Variants in TMEFF2 observed in about 807,000 individuals in gnomAD.
TMEFF2 encodes tomoregulin-2.
TMEFF2 carries 28 observed loss-of-function variants against 53.8 expected under a neutral mutation model. The ratio of observed to expected loss-of-function variants is 0.52; its 90% CI spans 0.39 to 0.71. The LOEUF (loss-of-function observed/expected upper bound fraction) is 0.71, where lower values mean the gene tolerates loss of function less well. Ranked by LOEUF, TMEFF2 falls within the 30% of genes least tolerant of loss-of-function variation. The pLI is 0.00. For missense variants in TMEFF2, 353 were observed against 455.2 expected, an observed-to-expected ratio of 0.78 and a Z score of 2.04; for synonymous variants, 162 against 166.3, an observed-to-expected ratio of 0.97 and a Z score of 0.20.
intron 5 of TMEFF2, among the ~76,000 whole-genome samples, chr2:192,034,426 A>G (rs1376462415): frequency 6.6e-6 from 1 of 152,158 alleles, no homozygotes; most frequent in African/African-American, 2.4e-5. Flanking sequence ...CCATGGGGAA[A>G]AAAAATCACG....
At chr2:191,979,933 G>A (rs1685817296) in intron 7 of TMEFF2, among the ~76,000 whole-genome samples, 1 of 151,828 alleles carries the variant, frequency 6.6e-6, no homozygotes, top group Admixed American at 6.6e-5. Context: ...ATATTAGTAT[G>A]GTTAGAATTT....
intron 4 of TMEFF2, among the ~76,000 whole-genome samples, chr2:192,132,542 C>G (rs1689868638): frequency 6.6e-6 from 1 of 152,124 alleles, no homozygotes; most frequent in African/African-American, 2.4e-5. Flanking sequence ...ATTAACCTCA[C>G]CTTCAAGGTG....
At chr2:192,064,530 C>T (rs188469021) in intron 4 of TMEFF2, among the ~76,000 whole-genome samples, 1 of 151,940 alleles carries the variant, frequency 6.6e-6, no homozygotes, top group East Asian at 1.9e-4. Flanking sequence ...CAAGACTTAT[C>T]TATAGTACCA....
chr2:192,075,342 C>CACA (rs1688409042), intron 4 of TMEFF2, among the ~76,000 whole-genome samples: 2 of 56,418 alleles, frequency 3.5e-5, no homozygotes, highest in Admixed American at 2.3e-4. Context: ...TACATACATA[C>CACA]TATGTATATC....
At chr2:192,130,402 C>T (rs1689788757) in intron 4 of TMEFF2, among the ~76,000 whole-genome samples, 1 of 152,030 alleles carries the variant, frequency 6.6e-6, no homozygotes, top group Admixed American at 6.6e-5. Context: ...GCCTCTGAGC[C>T]CAAGTCAAGC....
chr2:191,998,468 A>C (rs1322143041), intron 6 of TMEFF2, 147 bp from the exon 7 acceptor site: 5 of 480,494 alleles, frequency 1.0e-5, no homozygotes, highest in Non-Finnish European at 1.8e-5. Flanking sequence ...ATACTAAGAC[A>C]GATTTACAAT....
rs902302805 is a variant in TMEFF2 at position 191,950,086 on chromosome 2, TATAA to T, written c.*221_*224del. ...GGAAAGAAAAAACTATATTGTGTGATATAAATAGTTTATTTACATTACAGAAAAA... is the reference window on the plus strand; with the variant it reads ...GGAAAGAAAAAACTATATTGTGTGATATAGTTTATTTACATTACAGAAAAA... On this transcript the variant is annotated 3_prime_UTR_variant, in exon 10 of 10. Transcript: ENST00000272771. The T allele has an allele frequency of 2.6e-4, 332 of 1,288,032 alleles. 1 individual carries two copies. The highest frequency in any genetic ancestry group is 9.8e-4 in the Admixed American group (27 of 27,574). The allele number at this position is 1,288,032 out of a possible 1,614,324, so 79.8% of individuals were successfully genotyped here. A position where few individuals can be genotyped will look rare whatever the true frequency, so the allele number is the denominator to read the frequency against.
chr2:192,155,196 G>T (rs959634640), intron 4 of TMEFF2, among the ~76,000 whole-genome samples: 1 of 151,892 alleles, frequency 6.6e-6, no homozygotes, highest in Non-Finnish European at 1.5e-5. Context: ...AAGCTGGAAA[G>T]CACCTTATAT....
chr2:191,964,376 T>TTC (rs1438733614), intron 7 of TMEFF2, among the ~76,000 whole-genome samples: 358 of 27,482 alleles, frequency 0.013, 1 homozygote, highest in Admixed American at 0.021. Context: ...TTCTTTCTCT[T>TTC]TCTTTCTTTC....
chr2:191,993,657 C>T (rs534421280), intron 7 of TMEFF2, among the ~76,000 whole-genome samples: 2 of 152,134 alleles, frequency 1.3e-5, no homozygotes, highest in East Asian at 3.9e-4. Context: ...GCTATTTCCT[C>T]TGTATTTTTT....
At chr2:191,956,423 C>G in intron 7 of TMEFF2, 45 bp from the exon 8 acceptor site, 1 of 1,590,538 alleles carries the variant, frequency 6.3e-7, no homozygotes, top group Non-Finnish European at 8.5e-7. Flanking sequence ...AATACTTAGC[C>G]TGGTAAGATC....
intron 8 of TMEFF2, among the ~76,000 whole-genome samples, chr2:191,955,447 C>T (rs894122353): frequency 1.3e-5 from 2 of 149,228 alleles, no homozygotes; most frequent in Non-Finnish European, 3.0e-5. Context: ...CTCCTGGGCT[C>T]AAGGGATCAT....
rs1258473625 is a variant in TMEFF2, at chr2:192,075,302, T to TAAATAAATAAATAA, written c.440-17528_440-17527insTTATTTATTTATTT. ...CAGTACTATTATATATATATATATA[T>TAAATAAATAAATAA]ATATATATATATATATATATATATA... is the stretch of plus-strand genomic sequence containing the variant. On this transcript the variant is annotated intron_variant, in intron 4 of 9. Transcript: ENST00000272771. 2.1e-3 allele frequency among the ~76,000 whole-genome samples: 80 copies of TAAATAAATAAATAA among 38,090 alleles called. 1 individual carries two copies. Among genetic ancestry groups the TAAATAAATAAATAA allele is most frequent in the African/African-American group, 5.3e-3 (67 of 12,582 alleles). 25.0% of individuals were successfully genotyped at this position (38,090 alleles called of 152,430 possible). A position where few individuals can be genotyped will look rare whatever the true frequency, so the allele number is the denominator to read the frequency against.
At chr2:192,028,311 T>G (rs1275611133) in intron 5 of TMEFF2, among the ~76,000 whole-genome samples, 3 of 152,164 alleles carry the variant, frequency 2.0e-5, no homozygotes, top group African/African-American at 7.2e-5. Flanking sequence ...ATCAGCAGTG[T>G]GAAAACAGAC....
chr2:192,148,006 A>C (rs530189243), intron 4 of TMEFF2, among the ~76,000 whole-genome samples: 54 of 152,176 alleles, frequency 3.5e-4, no homozygotes, highest in African/African-American at 1.2e-3. Flanking sequence ...TCCTCAATTA[A>C]GGAAAGTCTG....
chr2:192,132,117 A>AGGCCG lies in TMEFF2; in HGVS notation c.439+47550_439+47551insCGGCC, dbSNP rs1689850582. ...TGACCTCTCCCCTCCTCGCCAGGCC[A>AGGCCG]AGCTAGGCCCCAATTCTTCCTCAGC... is the stretch of plus-strand genomic sequence containing the variant. On this transcript the variant is annotated intron_variant, in intron 4 of 9. Transcript: ENST00000272771. Among the ~76,000 whole-genome samples, 32 of 151,882 alleles carry AGGCCG rather than the reference A, an allele frequency of 2.1e-4. 1 individual carries two copies. The Admixed American group carries it at 2.1e-3, about 10-fold the overall frequency.
At chr2:191,994,684 A>G (rs1019024173) in intron 7 of TMEFF2, among the ~76,000 whole-genome samples, 1 of 152,038 alleles carries the variant, frequency 6.6e-6, no homozygotes, top group African/African-American at 2.4e-5. Flanking sequence ...TAGCAATTTA[A>G]GACAATGAAA....
intron 5 of TMEFF2, among the ~76,000 whole-genome samples, chr2:192,016,276 T>A (rs1686742259): frequency 6.6e-6 from 1 of 152,222 alleles, no homozygotes; most frequent in Non-Finnish European, 1.5e-5. Context: ...CAACATTGTC[T>A]AATTAATTGG....
intron 7 of TMEFF2, among the ~76,000 whole-genome samples, chr2:191,970,165 G>A (rs760898065): frequency 5.9e-5 from 9 of 151,946 alleles, no homozygotes; most frequent in Non-Finnish European, 1.3e-4. Context: ...TATTTAACCT[G>A]TTAAAGAGAC....
Sources: gnomAD v4.1 joint callset for allele counts (sites outside exome capture counted in the v4.1 genomes callset) on GRCh38, gnomAD v4.1.1 for gene constraint, MANE v1.5 for transcripts, NCBI Gene and HGNC (gene_info 2026-07-23, HGNC 2026-07-21) for gene names.